Variants in DYSF observed in about 807,000 individuals in gnomAD.
DYSF encodes dysferlin, also known as dystrophy-associated fer-1-like 1.
DYSF carries 212 observed loss-of-function variants against 274.9 expected under a neutral mutation model. That is an observed-to-expected ratio of 0.77 (90% CI 0.69 to 0.86). The LOEUF (loss-of-function observed/expected upper bound fraction) is 0.86. DYSF is among the 40% of genes least tolerant of loss of function. The probability of loss-of-function intolerance (pLI) is 0.00; values close to 1 mark genes in which losing one functional copy is unlikely to be tolerated. For synonymous variants in DYSF, 1,091 were observed against 1,078.7 expected, an observed-to-expected ratio of 1.01 and a Z score of -0.22; for missense variants, 2,666 against 2,783.2, an observed-to-expected ratio of 0.96 and a Z score of 0.95.
intron 29 of DYSF, among the ~76,000 whole-genome samples, chr2:71,573,171 G>C (rs2152821690): frequency 6.6e-6 from 1 of 152,332 alleles, no homozygotes; most frequent in Non-Finnish European, 1.5e-5. Flanking sequence ...CTTGGGGGCA[G>C]AGAACCTAGA....
chr2:71,465,630 G>T (rs542527484), upstream of DYSF, among the ~76,000 whole-genome samples: 213 of 152,310 alleles, frequency 1.4e-3, no homozygotes, highest in African/African-American at 5.0e-3. Context: ...CTGTGAGAAT[G>T]CTGTATCCCT....
chr2:71,502,167 A>T (rs962673393), intron 3 of DYSF, among the ~76,000 whole-genome samples: 1 of 150,772 alleles, frequency 6.6e-6, no homozygotes, highest in African/African-American at 2.5e-5. Context: ...TCTCAGTGTG[A>T]GTAGTCAGTT....
At chr2:71,504,260 A>G (rs903167851) in intron 4 of DYSF, among the ~76,000 whole-genome samples, 2 of 151,904 alleles carry the variant, frequency 1.3e-5, no homozygotes, top group African/African-American at 4.8e-5. Flanking sequence ...ATGGCTGTGG[A>G]TGGACTCCTG....
At position 71,596,002 on chromosome 2, in the gene DYSF, C is replaced by CTTT. The variant is rs34280550; in HGVS notation, c.3575-2547_3575-2545dup. ...AGCAACACCCCTACTCCCCTTTTTC[C>CTTT]TTTTTTTTTTTTTTTTTGAGGAGTG... On this transcript the variant is annotated intron_variant, in intron 32 of 55. Transcript: ENST00000410020. Among the ~76,000 whole-genome samples the CTTT allele has an allele frequency of 1.2e-3, 164 of 135,802 alleles. 1 individual carries two copies. Among genetic ancestry groups the CTTT allele is most frequent in the African/African-American group, 4.3e-3 (156 of 36,412 alleles). The allele number at this position is 135,802 out of a possible 152,430, so 89.1% of individuals were successfully genotyped here.
chr2:71,558,277 G>T (rs902892068), intron 22 of DYSF, among the ~76,000 whole-genome samples: 4 of 152,124 alleles, frequency 2.6e-5, no homozygotes, highest in African/African-American at 9.7e-5. Flanking sequence ...AGCAGGAGGA[G>T]GAGCCAGTTG....
rs145360241 is a variant in DYSF, at chr2:71,515,629, G to A, written c.766G>A (p.Val256Ile). ...SDKPQDFQIR[V>I]QVIEGRQLPG... ...TCCTCCTTCTGGCTTTCAGATCAGG[G>A]TCCAGGTGATCGAGGGGCGCCAGCT... Residue 256 changes from valine (V) to isoleucine (I), a missense_variant, in exon 8 of 56, where the codon GTC (valine) becomes ATC (isoleucine). This residue lies in a region of DYSF where 794 missense variants were observed against 777.1 expected (regional missense o/e 1.02). Transcript: ENST00000410020. 11 of 1,613,916 alleles carry A rather than the reference G, an allele frequency of 6.8e-6. No homozygotes were observed. In the African/African-American group the frequency reaches 1.3e-4, roughly 20 times the overall value.
chr2:71,526,391 AGGCGCAGGGCT>A (rs762373940), intron 13 of DYSF, 45 bp downstream of exon 13: 2 of 885,074 alleles, frequency 2.3e-6, no homozygotes, highest in Non-Finnish European at 3.0e-6. Context: ...AGGAGGCTGG[AGGCGCAGGGCT>A]GGTGGGGGTG....
At chr2:71,478,828 CTCTT>C (rs1573382021) in intron 1 of DYSF, among the ~76,000 whole-genome samples, 1 of 151,984 alleles carries the variant, frequency 6.6e-6, no homozygotes, top group Non-Finnish European at 1.5e-5. Flanking sequence ...CTCACGTGCT[CTCTT>C]TCTCTTTTTT....
In DYSF at chr2:71,480,917, C is replaced by A. The variant is rs369755508; in HGVS notation, c.126C>A (p.Ser42Arg). The A allele has an allele frequency of 6.2e-7, 1 of 1,614,130 alleles. No homozygotes were observed. Among genetic ancestry groups the A allele is most frequent in the Non-Finnish European group, 8.5e-7 (1 of 1,179,980 alleles). The change falls in exon 2 of 56, where the codon AGC (serine) becomes AGA (arginine). Residue 42 changes from serine to arginine, a missense_variant. Around this residue, in one of 3 missense-constraint regions of DYSF, gnomAD observed 794 missense variants for 777.1 expected, o/e 1.02. Transcript: ENST00000410020. ...VKKRTKVIKNSVNPVWNEGFE... is the reference protein window; with the variant it reads ...VKKRTKVIKNRVNPVWNEGFE... The stretch of plus-strand genomic sequence containing the variant: ...AGAGAACCAAAGTCATCAAGAACAG[C>A]GTGAACCCTGTATGGAATGAGGTAT...
At chr2:71,634,578 G>A (rs758798088) in intron 41 of DYSF, among the ~76,000 whole-genome samples, 1 of 152,018 alleles carries the variant, frequency 6.6e-6, no homozygotes, top group African/African-American at 2.4e-5. Context: ...TCACATCTGT[G>A]AGTGTGTTAA....
chr2:71,512,035 G>T (rs1482655700), intron 5 of DYSF, 114 bp downstream of exon 5: 3 of 714,550 alleles, frequency 4.2e-6, no homozygotes, highest in African/African-American at 1.8e-5. Context: ...CCCTCCCCAG[G>T]TTGGAGGCTG....
intron 29 of DYSF, among the ~76,000 whole-genome samples, chr2:71,572,672 T>A (rs1224514218): frequency 6.6e-6 from 1 of 152,224 alleles, no homozygotes; most frequent in East Asian, 1.9e-4. Context: ...CTGGGCTTTG[T>A]ATCCTCTCAG....
At chr2:71,454,992 C>T (rs947061121) in intron 1 of DYSF, among the ~76,000 whole-genome samples, 1 of 151,566 alleles carries the variant, frequency 6.6e-6, no homozygotes, top group African/African-American at 2.4e-5. Flanking sequence ...GGGTTTTCCT[C>T]TCAGCCTCCA....
At chr2:71,624,026 A>G (rs1478227730) in intron 41 of DYSF, among the ~76,000 whole-genome samples, 2 of 152,132 alleles carry the variant, frequency 1.3e-5, no homozygotes, top group African/African-American at 4.8e-5. Context: ...CCGTGATAGC[A>G]TCACTGCACT....
chr2:71,663,402 G>A (rs2094937258), intron 45 of DYSF, among the ~76,000 whole-genome samples: 1 of 152,188 alleles, frequency 6.6e-6, no homozygotes, highest in African/African-American at 2.4e-5. Context: ...CAACCCTCTG[G>A]GGGTCTCACA....
At chr2:71,560,206 G>A (rs2091636156) in intron 22 of DYSF, among the ~76,000 whole-genome samples, 1 of 152,206 alleles carries the variant, frequency 6.6e-6, no homozygotes, top group African/African-American at 2.4e-5. Flanking sequence ...GCTTGTTAGT[G>A]GCACTCACAG....
intron 41 of DYSF, among the ~76,000 whole-genome samples, chr2:71,631,152 A>G (rs890911664): frequency 6.6e-6 from 1 of 152,220 alleles, no homozygotes; most frequent in Non-Finnish European, 1.5e-5. Flanking sequence ...AATCAATTAC[A>G]GGGTGTGGCT....
chr2:71,591,366 T>TG lies in DYSF; in HGVS notation c.3574+1078_3574+1079insG, dbSNP rs1245635907. ...CTCTGCACAGATCAACAGTGGTCTATCTCTGCCATCTCCTTCCTGCTCTGA... is the reference window on the plus strand; with the variant it reads ...CTCTGCACAGATCAACAGTGGTCTATGCTCTGCCATCTCCTTCCTGCTCTGA... On this transcript the variant is annotated intron_variant, in intron 32 of 55. Transcript: ENST00000410020. Among the ~76,000 whole-genome samples the TG allele has an allele frequency of 9.8e-5, 15 of 152,346 alleles. No homozygotes were observed. The East Asian group carries it at 2.9e-3, about 29-fold the overall frequency.
intron 17 of DYSF, 102 bp from the exon 18 acceptor site, chr2:71,550,939 G>A (rs983116866): frequency 2.1e-6 from 2 of 934,294 alleles, no homozygotes; most frequent in Admixed American, 3.5e-5. Flanking sequence ...CATGTGGGGG[G>A]GAACTGAGGG....
Sources: allele counts gnomAD v4.1 joint callset (sites outside exome capture counted in the v4.1 genomes callset), GRCh38; gene constraint gnomAD v4.1.1; regional missense constraint gnomAD v4.1.1; transcripts MANE v1.5; gene names NCBI Gene and HGNC (gene_info 2026-07-23, HGNC 2026-07-21).